The following PLAGL1 variants were observed in gnomAD, a reference collection of about 807,000 sequenced individuals.
The protein encoded by PLAGL1 is PLAG1 like zinc finger 1.
A neutral mutation model predicts 4.6 loss-of-function variants in PLAGL1; 1 was observed. The observed-to-expected ratio is 0.22, with a 90% CI of 0.08 to 1.03. PLAGL1 has a LOEUF of 1.03. Ranked by LOEUF, PLAGL1 falls within the 50% of genes least tolerant of loss-of-function variation. PLAGL1 has a pLI of 0.58. For missense variants in PLAGL1, 464 were observed against 570.4 expected (o/e 0.81, Z 1.90); for synonymous variants, 240 against 237.8 (o/e 1.01, Z -0.08).
In PLAGL1 at chr6:143,957,286, C is replaced by T. The variant is rs1013379054; in HGVS notation, c.-325+3183G>A. Among the ~76,000 whole-genome samples, 6 of 124,388 alleles carry T rather than the reference C, an allele frequency of 4.8e-5. No homozygotes were observed. The highest frequency in any genetic ancestry group is 1.7e-4 in the African/African-American group (6 of 35,666). The allele number at this position is 124,388 out of a possible 152,430, so 81.6% of individuals were successfully genotyped here. Reference sequence around the variant, plus strand: ...AGAGGACTATTTATGAATGAAGACTCTCAGGAGTCTGGTGGGGGGGTGAGG... The same window carrying T: ...AGAGGACTATTTATGAATGAAGACTTTCAGGAGTCTGGTGGGGGGGTGAGG... On this transcript the variant is annotated intron_variant, in intron 6 of 7. Transcript: ENST00000674357. This position sits in a 1 kb window ranked among gnomAD's most constrained non-coding sequence, Gnocchi z 4.2.
At chr6:143,956,287 A>G (rs1348042328) in intron 6 of PLAGL1, among the ~76,000 whole-genome samples, 1 of 152,126 alleles carries the variant, frequency 6.6e-6, no homozygotes, top group Non-Finnish European at 1.5e-5. Flanking sequence ...AGCTAGACTG[A>G]GACTCCCTTA....
Position 143,978,202 on chromosome 6 carries a change from A to G in PLAGL1, c.-544+6933T>C, listed in dbSNP as rs140632696. Among the ~76,000 whole-genome samples, 1 of 152,116 alleles carries G rather than the reference A, an allele frequency of 6.6e-6. No homozygotes were observed. Among genetic ancestry groups the G allele is most frequent in the Non-Finnish European group, 1.5e-5 (1 of 67,962 alleles). On this transcript the variant is annotated intron_variant, in intron 2 of 7. Coordinates refer to ENST00000674357, the MANE Select transcript of PLAGL1 (RefSeq NM_001317162.2). The surrounding 1 kb of genome is among the most constrained non-coding windows in gnomAD (Gnocchi z 4.6). ...ATTTCCGCTCTAATTTTCAGTATTTACTTTCTTCTGCTCACTGCAGGTTTA... is the reference window on the plus strand; with the variant it reads ...ATTTCCGCTCTAATTTTCAGTATTTGCTTTCTTCTGCTCACTGCAGGTTTA...
rs11961603 is a variant in PLAGL1, at chr6:143,978,358, T to A, written c.-544+6777A>T. Among the ~76,000 whole-genome samples, 4,697 of 152,270 alleles carry A rather than the reference T, an allele frequency of 0.031. 252 individuals carry two copies. The highest frequency in any genetic ancestry group is 0.11 in the African/African-American group (4,465 of 41,550). ...TGTTTCAGCTGTATCCCACATGGTT[T>A]CATAAACTGTATTTTCATTAAAATT... On this transcript the variant is annotated intron_variant, in intron 2 of 7. Coordinates refer to ENST00000674357, the MANE Select transcript of PLAGL1 (RefSeq NM_001317162.2). This position sits in a 1 kb window ranked among gnomAD's most constrained non-coding sequence, Gnocchi z 4.6.
intron 1 of PLAGL1, chr6:144,037,784 C>T (rs556285021): frequency 1.3e-5 from 2 of 152,222 alleles, no homozygotes; most frequent in Non-Finnish European, 2.9e-5. Context: ...AACCCAAACC[C>T]AAACTACTGC....
chr6:144,047,656 T>C (rs530067069), intron 1 of PLAGL1, among the ~76,000 whole-genome samples: 3 of 151,924 alleles, frequency 2.0e-5, no homozygotes, highest in Non-Finnish European at 4.4e-5. Flanking sequence ...GGGAAAACCA[T>C]CCCCATGATC....
intron 1 of PLAGL1, among the ~76,000 whole-genome samples, chr6:144,003,223 C>T (rs1793302825): frequency 1.3e-5 from 2 of 152,082 alleles, no homozygotes; most frequent in Non-Finnish European, 2.9e-5. Flanking sequence ...CAAAATAAAT[C>T]TTGATCCCCC....
rs1296064916 is a variant in PLAGL1, at chr6:144,030,281, A to AAAAG, written c.-151+34186_-151+34187insCTTT. ...AAAAAAAAAAAAAAAAAAAAAAAAAAAAGAAGATGTAAATTTTAATACAAT... is the reference window on the plus strand; with the variant it reads ...AAAAAAAAAAAAAAAAAAAAAAAAAAAAAGAAGAAGATGTAAATTTTAATACAAT... On this transcript the variant is annotated intron_variant, in intron 1 of 3. Transcript: ENST00000437412. Among the ~76,000 whole-genome samples the AAAAG allele has an allele frequency of 2.2e-3, 298 of 132,882 alleles. 5 individuals are homozygous for AAAAG. The highest frequency in any genetic ancestry group is 6.4e-3 in the East Asian group (27 of 4,198). 87.2% of individuals were successfully genotyped at this position (132,882 alleles called of 152,430 possible). A position where few individuals can be genotyped will look rare whatever the true frequency, so the allele number is the denominator to read the frequency against.
chr6:144,031,024 A>AT lies in PLAGL1; in HGVS notation c.-151+33443dup, dbSNP rs112283556. ...CCACCGCATCCACACCAACATCTGT[A>AT]TTTTTTTTTATTATGGCCATTCTTG... On this transcript the variant is annotated intron_variant, in intron 1 of 3. Coordinates refer to the PLAGL1 transcript ENST00000437412. Among the ~76,000 whole-genome samples the AT allele has an allele frequency of 3.9e-3, 588 of 151,414 alleles. 4 individuals carry two copies. The highest frequency in any genetic ancestry group is 0.012 in the African/African-American group (479 of 41,332).
intron 1 of PLAGL1, among the ~76,000 whole-genome samples, chr6:144,058,960 C>G (rs966933102): frequency 3.9e-5 from 6 of 152,182 alleles, no homozygotes; most frequent in Non-Finnish European, 1.5e-5. Flanking sequence ...GGTGGTGGCC[C>G]CCTTCCCACA....
At chr6:144,030,404 A>C (rs968122475) in intron 1 of PLAGL1, among the ~76,000 whole-genome samples, 3 of 151,818 alleles carry the variant, frequency 2.0e-5, no homozygotes, top group African/African-American at 7.3e-5. Context: ...TGCATGAATA[A>C]ATTCTTTAGT....
chr6:144,043,540 G>A (rs1041712684), intron 1 of PLAGL1, among the ~76,000 whole-genome samples: 6 of 152,094 alleles, frequency 3.9e-5, no homozygotes, highest in Admixed American at 2.6e-4. Flanking sequence ...TGATCTTGGT[G>A]GATAAGCTTT....
At position 144,064,040 on chromosome 6, in the gene PLAGL1, C is replaced by G. The variant is rs1799637732; in HGVS notation, c.-151+428G>C. 3.9e-5 allele frequency among the ~76,000 whole-genome samples: 6 copies of G among 152,228 alleles called. No homozygotes were observed. On this transcript the variant is annotated intron_variant, in intron 1 of 3. Coordinates refer to the PLAGL1 transcript ENST00000437412. This position sits in a 1 kb window ranked among gnomAD's most constrained non-coding sequence, Gnocchi z 6.8. ...ATGATCACCCCGCCGTCTGCGCAGA[C>G]AGCCCCGCCCCCAGCCTCGGAGAGC...
chr6:143,948,343 C>G lies in PLAGL1; in HGVS notation c.-207G>C. 5.5e-6 allele frequency: 3 copies of G among 542,254 alleles called. No individual in the cohort carries two copies. In the South Asian group the frequency reaches 6.8e-5, roughly 12 times the overall value. 33.6% of individuals were successfully genotyped at this position (542,254 alleles called of 1,614,324 possible). ...GCTTTGCTTCCTGCTTTCACACATC[C>G]CAGTTTACATGCAGTCTCAAGCTGA... is the stretch of plus-strand genomic sequence containing the variant. On this transcript the variant is annotated 5_prime_UTR_variant, in exon 7 of 8. Transcript: ENST00000674357. The surrounding 1 kb of genome is among the most constrained non-coding windows in gnomAD (Gnocchi z 6.0).
In PLAGL1 at chr6:143,960,478, G is replaced by A. The variant is rs1319926639; in HGVS notation, c.-334C>T. 3 of 152,210 alleles carry A rather than the reference G, an allele frequency of 2.0e-5. No individual in the cohort carries two copies. Among genetic ancestry groups the A allele is most frequent in the Non-Finnish European group, 4.4e-5 (3 of 68,038 alleles). 9.4% of individuals were successfully genotyped at this position (152,210 alleles called of 1,614,324 possible). ...CTTAAAACATGCGCACCTACTGAGT[G>A]ACAGGGAACATCTGCTGCGAGGCAG... On this transcript the variant is annotated 5_prime_UTR_variant, in exon 6 of 8. Transcript: ENST00000674357. The surrounding 1 kb of genome is among the most constrained non-coding windows in gnomAD (Gnocchi z 5.7).
rs151044765 is a variant in PLAGL1 at position 144,020,453 on chromosome 6, A to G, written c.-151+44015T>C. Among the ~76,000 whole-genome samples the G allele has an allele frequency of 9.7e-3, 1,464 of 151,334 alleles. 10 individuals are homozygous for G. Among genetic ancestry groups the G allele is most frequent in the Middle Eastern group, 0.024 (7 of 294 alleles). On this transcript the variant is annotated intron_variant, in intron 1 of 3. Coordinates refer to the PLAGL1 transcript ENST00000437412. ...CAGGTGCGGGTCACCACACCCAGTT[A>G]ATTTTTTGTATCTTTAGTAGGGTTG...
Position 144,020,783 on chromosome 6 carries a change from A to G in PLAGL1, c.-151+43685T>C, listed in dbSNP as rs1259873390. ...ATATATTTGTTTTATATATCTATAT[A>G]TATAAAACAAACATATAACTATATA... is the stretch of plus-strand genomic sequence containing the variant. On this transcript the variant is annotated intron_variant, in intron 1 of 3. Coordinates refer to the PLAGL1 transcript ENST00000437412. Among the ~76,000 whole-genome samples the G allele has an allele frequency of 2.0e-5, 3 of 146,722 alleles. No homozygotes were observed. In the South Asian group the frequency reaches 6.3e-4, roughly 31 times the overall value.
chr6:144,028,180 T>C (rs995721463), intron 1 of PLAGL1, among the ~76,000 whole-genome samples: 4 of 152,236 alleles, frequency 2.6e-5, no homozygotes, highest in Non-Finnish European at 5.9e-5. Context: ...CATTTATTCC[T>C]TTAGAATACT....
rs1795356465 is a variant in PLAGL1 at position 144,013,611 on chromosome 6, C to A, written c.-150-44633G>T. ...AGGCCGCAGGCGCCATCTAGTGGCT[C>A]TAGTGGAGATTCCTTCCTCACAACT... On this transcript the variant is annotated intron_variant, in intron 1 of 3. Transcript: ENST00000437412. This position sits in a 1 kb window ranked among gnomAD's most constrained non-coding sequence, Gnocchi z 4.4. Among the ~76,000 whole-genome samples the A allele has an allele frequency of 6.6e-6, 1 of 152,232 alleles. No individual in the cohort carries two copies. Among genetic ancestry groups the A allele is most frequent in the African/African-American group, 2.4e-5 (1 of 41,454 alleles).
At position 143,990,415 on chromosome 6, in the gene PLAGL1, G is replaced by A. The variant is rs541523632; in HGVS notation, c.-583-5241C>T. Among the ~76,000 whole-genome samples the A allele has an allele frequency of 7.2e-5, 11 of 152,176 alleles. No homozygotes were observed. Among genetic ancestry groups the A allele is most frequent in the East Asian group, 1.9e-4 (1 of 5,168 alleles). ...ATTACAGGTGTGAGCCATCGTGCCC[G>A]GCTGATATTCCTCAATTTTTAAAGA... On this transcript the variant is annotated intron_variant, in intron 1 of 7. Coordinates refer to ENST00000674357, the MANE Select transcript of PLAGL1 (RefSeq NM_001317162.2). The surrounding 1 kb of genome is among the most constrained non-coding windows in gnomAD (Gnocchi z 5.4).
Sources: gnomAD v4.1 joint callset for allele counts (sites outside exome capture counted in the v4.1 genomes callset) on GRCh38, gnomAD v4.1.1 for gene constraint, Gnocchi (gnomAD v3.1) non-coding constraint, MANE v1.5 for transcripts, NCBI Gene and HGNC (gene_info 2026-07-23, HGNC 2026-07-21) for gene names.